Variants in TAF3 observed in about 807,000 individuals in gnomAD.
The protein encoded by TAF3 is transcription initiation factor TFIID subunit 3.
TAF3 carries 7 observed loss-of-function variants against 80.6 expected under a neutral mutation model. That is an observed-to-expected ratio of 0.09 (90% confidence interval 0.05 to 0.16). The LOEUF (loss-of-function observed/expected upper bound fraction) is 0.16, where lower values mean the gene tolerates loss of function less well. TAF3 is among the 10% of genes least tolerant of loss of function. The pLI is 1.00. For missense variants in TAF3, 921 were observed against 1,140.2 expected, an observed-to-expected ratio of 0.81 and a Z score of 2.77; for synonymous variants, 444 against 446.1, an observed-to-expected ratio of 1.00 and a Z score of 0.06.
intron 2 of TAF3, among the ~76,000 whole-genome samples, chr10:7,887,447 C>T (rs774135436): frequency 5.3e-5 from 8 of 152,100 alleles, no homozygotes; most frequent in Non-Finnish European, 1.0e-4. Flanking sequence ...TCCTTACCAT[C>T]GAGAGACTCC....
chr10:7,868,615 T>A (rs945710467), intron 2 of TAF3, among the ~76,000 whole-genome samples: 1 of 152,220 alleles, frequency 6.6e-6, no homozygotes, highest in African/African-American at 2.4e-5. Flanking sequence ...TTCTATTGGG[T>A]GGGTTACTTA....
intron 1 of TAF3, among the ~76,000 whole-genome samples, chr10:7,823,945 TAA>T (rs201897666): frequency 0.36 from 51,350 of 143,966 alleles, 8,876 homozygotes; most frequent in South Asian, 0.45. Context: ...TGCCATCTCT[TAA>T]AAAAAAAAAA....
At chr10:7,856,916 A>G (rs940548561) in intron 2 of TAF3, among the ~76,000 whole-genome samples, 5 of 152,142 alleles carry the variant, frequency 3.3e-5, no homozygotes, top group South Asian at 4.1e-4. Flanking sequence ...TTTTACTAAC[A>G]TAAAAATGTG....
chr10:7,999,568 C>T (rs1831923735), intron 4 of TAF3, among the ~76,000 whole-genome samples: 1 of 151,618 alleles, frequency 6.6e-6, no homozygotes. Flanking sequence ...GCAGTTCTCC[C>T]GCCCCAGCAT....
chr10:7,851,123 C>T (rs1837022916), intron 2 of TAF3, among the ~76,000 whole-genome samples: 1 of 151,994 alleles, frequency 6.6e-6, no homozygotes, highest in Non-Finnish European at 1.5e-5. Flanking sequence ...ATGAGAAAAA[C>T]ATAGAGCATT....
intron 2 of TAF3, among the ~76,000 whole-genome samples, chr10:7,936,815 A>G (rs1837925408): frequency 6.6e-6 from 1 of 151,854 alleles, no homozygotes; most frequent in Admixed American, 6.6e-5. Context: ...TGCTATCAAC[A>G]TCCTCTTTGC....
intron 2 of TAF3, among the ~76,000 whole-genome samples, chr10:7,828,299 T>A (rs1471988811): frequency 6.6e-6 from 1 of 152,184 alleles, no homozygotes; most frequent in Non-Finnish European, 1.5e-5. Flanking sequence ...GCTGAGGATC[T>A]GAGGGAACAG....
rs1837018210 is a variant in TAF3, at chr10:7,850,681, A to G, written c.409+26121A>G. ...GAGAGCAAGACTCCATCTCAAAAAA[A>G]AAAAAATATATATGTATATATATAT... On this transcript the variant is annotated intron_variant, in intron 2 of 6. Coordinates refer to ENST00000344293, the MANE Select transcript of TAF3 (RefSeq NM_031923.4). Among the ~76,000 whole-genome samples the G allele has an allele frequency of 2.6e-5, 3 of 116,416 alleles. 1 individual carries two copies. In the South Asian group the frequency reaches 7.7e-4, roughly 30 times the overall value. 76.4% of individuals were successfully genotyped at this position (116,416 alleles called of 152,430 possible). A position where few individuals can be genotyped will look rare whatever the true frequency, so the allele number is the denominator to read the frequency against.
At chr10:7,909,300 G>A (rs1235439465) in intron 2 of TAF3, among the ~76,000 whole-genome samples, 1 of 152,200 alleles carries the variant, frequency 6.6e-6, no homozygotes, top group Non-Finnish European at 1.5e-5. Flanking sequence ...TTTGAGAACT[G>A]TTGGTGTACA....
chr10:7,884,125 C>G (rs1312822409), intron 2 of TAF3, among the ~76,000 whole-genome samples: 5 of 152,212 alleles, frequency 3.3e-5, no homozygotes, highest in African/African-American at 7.2e-5. Context: ...TACTGCCACA[C>G]TGGGGACTGG....
intron 2 of TAF3, among the ~76,000 whole-genome samples, chr10:7,872,869 G>A (rs866750551): frequency 1.3e-5 from 2 of 152,094 alleles, no homozygotes; most frequent in Non-Finnish European, 2.9e-5. Flanking sequence ...AACATTAAAT[G>A]TGCATTCATT....
In TAF3 at chr10:8,001,218, A is replaced by G. The variant is rs555505960; in HGVS notation, c.2316-7860A>G. On this transcript the variant is annotated intron_variant, in intron 4 of 6. Coordinates refer to ENST00000344293, the MANE Select transcript of TAF3 (RefSeq NM_031923.4). The stretch of plus-strand genomic sequence containing the variant: ...CTGGTAAAGAGCTTGCACGTTTTTA[A>G]GTTTTCCATAATCATTCCAAATACT... 3.4e-4 allele frequency among the ~76,000 whole-genome samples: 52 copies of G among 152,316 alleles called. No homozygotes were observed. The South Asian group carries it at 0.01, about 30-fold the overall frequency.
chr10:8,006,981 G>A (rs1164460917), intron 4 of TAF3, among the ~76,000 whole-genome samples: 1 of 152,224 alleles, frequency 6.6e-6, no homozygotes, highest in Non-Finnish European at 1.5e-5. Context: ...ATAGTAGAAA[G>A]AGACAAGCTG....
At chr10:7,944,680 A>G (rs957967846) in intron 2 of TAF3, among the ~76,000 whole-genome samples, 3 of 152,218 alleles carry the variant, frequency 2.0e-5, no homozygotes, top group African/African-American at 7.2e-5. Context: ...CTAATCCTCA[A>G]GTAATGGAAT....
At chr10:7,866,610 G>A (rs1289034212) in intron 2 of TAF3, among the ~76,000 whole-genome samples, 2 of 152,206 alleles carry the variant, frequency 1.3e-5, no homozygotes, top group Non-Finnish European at 2.9e-5. Flanking sequence ...TGAAGCAGAG[G>A]TCAGTGCTTA....
Position 7,964,088 on chromosome 10 carries a change from A to AGCG in TAF3, c.581_583dup (p.Arg194dup). 1 of 1,614,034 alleles carries AGCG rather than the reference A, an allele frequency of 6.2e-7. No individual in the cohort carries two copies. The highest frequency in any genetic ancestry group is 8.5e-7 in the Non-Finnish European group (1 of 1,180,020). On this transcript the variant is annotated inframe_insertion, in exon 3 of 7. Coordinates refer to ENST00000344293, the MANE Select transcript of TAF3 (RefSeq NM_031923.4). This position sits in a 1 kb window ranked among gnomAD's most constrained non-coding sequence, Gnocchi z 4.1. ...GAAGCTGAAGAACTGCCAGCCATGA[A>AGCG]GCGGCCTCGGCTATTAAGCACTAAA...
In TAF3 at chr10:7,965,064, C is replaced by T. The variant is rs750757154; in HGVS notation, c.1554C>T (p.Ser518=). ...AGGAGAAAACCAAGCTGCCTTCCTC[C>T]GTGGAGGTAAAGAAGAAGTTGAAAA... The part of the protein sequence containing the change: ...VYEEKTKLPS[S]VEVKKKLKKE... The change falls in exon 3 of 7, where the codon TCC becomes TCT. Residue 518 remains serine, a synonymous_variant. Transcript: ENST00000344293. 2.9e-5 allele frequency: 47 copies of T among 1,613,592 alleles called. No individual in the cohort carries two copies. Among genetic ancestry groups the T allele is most frequent in the South Asian group, 1.4e-4 (13 of 91,046 alleles).
chr10:7,974,344 C>T (rs1171824098), intron 3 of TAF3, among the ~76,000 whole-genome samples: 1 of 152,044 alleles, frequency 6.6e-6, no homozygotes, highest in African/African-American at 2.4e-5. Flanking sequence ...GGTTTGTGGG[C>T]AAGTTGATAC....
rs182530635 is a variant in TAF3, at chr10:7,963,290, A to G, written c.410-630A>G. Among the ~76,000 whole-genome samples, 962 of 152,284 alleles carry G rather than the reference A, an allele frequency of 6.3e-3. 22 individuals carry two copies. The highest frequency in any genetic ancestry group is 4.7e-3 in the Non-Finnish European group (320 of 68,024). On this transcript the variant is annotated intron_variant, in intron 2 of 6. Coordinates refer to ENST00000344293, the MANE Select transcript of TAF3 (RefSeq NM_031923.4). ...TGTGTGGGTGCGCACGTGTGCTTCT[A>G]TGTGCATGAGAGAGAGATAGAGAAA...
Sources: gnomAD v4.1 joint callset for allele counts (sites outside exome capture counted in the v4.1 genomes callset) on GRCh38, gnomAD v4.1.1 for gene constraint, Gnocchi (gnomAD v3.1) non-coding constraint, MANE v1.5 for transcripts, NCBI Gene and HGNC (gene_info 2026-07-23, HGNC 2026-07-21) for gene names.